Variants in SERTM1 observed in about 807,000 individuals in gnomAD.
SERTM1 encodes the protein serine-rich and transmembrane domain-containing protein 1.
In SERTM1, 1 loss-of-function variant was observed where a neutral mutation model predicts 5.5. The observed-to-expected ratio is 0.18, with a 90% CI of 0.06 to 0.86. The LOEUF is 0.86. SERTM1 is among the 40% of genes least tolerant of loss of function. SERTM1 has a pLI of 0.69. For missense variants in SERTM1, 91 were observed against 122.4 expected, an observed-to-expected ratio of 0.74 and a Z score of 1.21; for synonymous variants, 52 against 55.1, an observed-to-expected ratio of 0.94 and a Z score of 0.25.
At chr13:36,679,477 G>A (rs1042112332) in intron 1 of SERTM1, among the ~76,000 whole-genome samples, 3 of 152,026 alleles carry the variant, frequency 2.0e-5, no homozygotes, top group African/African-American at 4.8e-5. Context: ...GCGCAATCTC[G>A]GCTCACTGCA....
In SERTM1 at chr13:36,695,623, A is replaced by G; in HGVS notation, c.*221A>G. The G allele has an allele frequency of 3.4e-6, 2 of 589,870 alleles. No homozygotes were observed. The allele number at this position is 589,870 out of a possible 1,614,324, so 36.5% of individuals were successfully genotyped here. Reference sequence around the variant, plus strand: ...TGCAAACCCCAAGGTGCAGAATTTCACACAAATGGCTTGATGAATCTAGAC... The same window carrying G: ...TGCAAACCCCAAGGTGCAGAATTTCGCACAAATGGCTTGATGAATCTAGAC... On this transcript the variant is annotated 3_prime_UTR_variant, in exon 2 of 2. Coordinates refer to ENST00000315190, the MANE Select transcript of SERTM1 (RefSeq NM_203451.3).
chr13:36,688,234 G>A (rs1323373596), intron 1 of SERTM1, among the ~76,000 whole-genome samples: 2 of 149,238 alleles, frequency 1.3e-5, no homozygotes, highest in African/African-American at 4.9e-5. Context: ...TTTTTTTTTA[G>A]ACAGGGTCTC....
At chr13:36,676,115 C>T (rs961340511) in intron 1 of SERTM1, among the ~76,000 whole-genome samples, 1 of 152,118 alleles carries the variant, frequency 6.6e-6, no homozygotes, top group Non-Finnish European at 1.5e-5. Context: ...TTGCATGTGG[C>T]ATCAAATCCA....
intron 1 of SERTM1, among the ~76,000 whole-genome samples, chr13:36,691,527 A>G (rs1291987686): frequency 6.6e-6 from 1 of 152,186 alleles, no homozygotes; most frequent in Non-Finnish European, 1.5e-5. Flanking sequence ...CTGGTTGACC[A>G]TGAGCTAAAA....
chr13:36,683,840 CGTGAACAGCACTA>C (rs1272368383), intron 1 of SERTM1, among the ~76,000 whole-genome samples: 3 of 152,182 alleles, frequency 2.0e-5, no homozygotes, highest in African/African-American at 4.8e-5. Flanking sequence ...AGAAATATTT[CGTGAACAGCACTA>C]GTGACTACAA....
chr13:36,695,046 A>G lies in SERTM1; in HGVS notation c.-33A>G. On this transcript the variant is annotated 5_prime_UTR_variant, in exon 2 of 2. Coordinates refer to ENST00000315190, the MANE Select transcript of SERTM1 (RefSeq NM_203451.3). ...AGCCCTGTGTGAAGTTTTGACTTTA[A>G]TCTACCAGATCACTCCTTCACCCTC... 6 of 1,521,806 alleles carry G rather than the reference A, an allele frequency of 3.9e-6. No homozygotes were observed. The highest frequency in any genetic ancestry group is 2.4e-5 in the South Asian group (2 of 83,776). The allele number at this position is 1,521,806 out of a possible 1,614,324, so 94.3% of individuals were successfully genotyped here. A position where few individuals can be genotyped will look rare whatever the true frequency, so the allele number is the denominator to read the frequency against.
At chr13:36,683,787 T>C (rs76511732) in intron 1 of SERTM1, among the ~76,000 whole-genome samples, 2,074 of 151,642 alleles carry the variant, frequency 0.014, 51 homozygotes, top group African/African-American at 0.048. Flanking sequence ...TCAGAGGGAG[T>C]GGGAACATGA....
At chr13:36,675,757 C>T (rs921328716) in intron 1 of SERTM1, among the ~76,000 whole-genome samples, 1 of 152,172 alleles carries the variant, frequency 6.6e-6, no homozygotes, top group Non-Finnish European at 1.5e-5. Flanking sequence ...CTCAGAGCCT[C>T]CCTCAGCCCA....
intron 1 of SERTM1, among the ~76,000 whole-genome samples, chr13:36,678,060 G>A (rs2056680768): frequency 6.6e-6 from 1 of 152,130 alleles, no homozygotes; most frequent in African/African-American, 2.4e-5. Context: ...GGAGAAGGAG[G>A]AGCAGGAAGA....
At chr13:36,689,617 G>A (rs17054336) in intron 1 of SERTM1, among the ~76,000 whole-genome samples, 3,743 of 150,234 alleles carry the variant, frequency 0.025, 172 homozygotes, top group African/African-American at 0.085. Flanking sequence ...TTTTGAGACT[G>A]TATGAGGTAG....
At chr13:36,691,352 C>T (rs1434366484) in intron 1 of SERTM1, among the ~76,000 whole-genome samples, 3 of 152,126 alleles carry the variant, frequency 2.0e-5, no homozygotes, top group Non-Finnish European at 1.5e-5. Context: ...GACTGGGAAC[C>T]AGAGACCCCA....
chr13:36,685,209 G>T (rs548637287), intron 1 of SERTM1, among the ~76,000 whole-genome samples: 1 of 152,182 alleles, frequency 6.6e-6, no homozygotes, highest in Non-Finnish European at 1.5e-5. Context: ...TTTTGAGTTC[G>T]CTGTGCCGCC....
chr13:36,676,473 T>C (rs537013174), intron 1 of SERTM1, among the ~76,000 whole-genome samples: 3 of 152,148 alleles, frequency 2.0e-5, no homozygotes, highest in Non-Finnish European at 4.4e-5. Flanking sequence ...TTAGTTATAA[T>C]GAAGAAGTGA....
At chr13:36,692,546 G>A (rs1241818489) in intron 1 of SERTM1, among the ~76,000 whole-genome samples, 1 of 152,238 alleles carries the variant, frequency 6.6e-6, no homozygotes, top group African/African-American at 2.4e-5. Context: ...GACCTTGAAA[G>A]TTCCTCTAGA....
intron 1 of SERTM1, among the ~76,000 whole-genome samples, chr13:36,683,773 A>T (rs2056721658): frequency 6.6e-6 from 1 of 152,194 alleles, no homozygotes; most frequent in East Asian, 1.9e-4. Flanking sequence ...CAGTCACCCT[A>T]AATTCAGAGG....
chr13:36,682,873 A>G (rs9594163), intron 1 of SERTM1, among the ~76,000 whole-genome samples: 21,945 of 152,128 alleles, frequency 0.14, 1,663 homozygotes, highest in Non-Finnish European at 0.15. Flanking sequence ...AGCAAATACT[A>G]TAGTTTTTCT....
intron 1 of SERTM1, among the ~76,000 whole-genome samples, chr13:36,685,037 C>G (rs2056731113): frequency 6.6e-6 from 1 of 152,188 alleles, no homozygotes; most frequent in South Asian, 2.1e-4. Flanking sequence ...CTACACTTGT[C>G]TATTGCTTCC....
At chr13:36,687,424 T>C (rs916780843) in intron 1 of SERTM1, among the ~76,000 whole-genome samples, 2 of 152,216 alleles carry the variant, frequency 1.3e-5, no homozygotes, top group Non-Finnish European at 2.9e-5. Flanking sequence ...GAAATTTTTT[T>C]TCAGACAAGT....
At chr13:36,690,054 G>A (rs1184094053) in intron 1 of SERTM1, among the ~76,000 whole-genome samples, 1 of 152,128 alleles carries the variant, frequency 6.6e-6, no homozygotes, top group African/African-American at 2.4e-5. Flanking sequence ...AAAACTCTGA[G>A]TGTATTTTCT....
Sources: allele counts gnomAD v4.1 joint callset (sites outside exome capture counted in the v4.1 genomes callset), GRCh38; gene constraint gnomAD v4.1.1; transcripts MANE v1.5; gene names NCBI Gene and HGNC (gene_info 2026-07-23, HGNC 2026-07-21).